Variants in PCDHA3 observed in about 807,000 individuals in gnomAD.
PCDHA3 encodes the protein protocadherin alpha 3, also known as protocadherin alpha-3.
Under a neutral mutation model 62.2 loss-of-function variants are expected in PCDHA3, and 41 were observed. The ratio of observed to expected loss-of-function variants is 0.66; its 90% CI spans 0.51 to 0.86. The LOEUF (loss-of-function observed/expected upper bound fraction) is 0.86. Ranked by LOEUF, PCDHA3 falls within the 40% of genes least tolerant of loss-of-function variation. The probability of loss-of-function intolerance (pLI) is 0.00; values close to 1 mark genes in which losing one functional copy is unlikely to be tolerated. For missense variants in PCDHA3, 1,304 were observed against 1,241.2 expected (o/e 1.05, Z -0.76); for synonymous variants, 640 against 555.4 (o/e 1.15, Z -2.14).
chr5:140,920,780 G>A lies in PCDHA3; in HGVS notation c.2395-58169G>A, dbSNP rs187594262. Among the ~76,000 whole-genome samples the A allele has an allele frequency of 7.9e-3, 1,202 of 151,454 alleles. 5 individuals carry two copies. Among genetic ancestry groups the A allele is most frequent in the African/African-American group, 0.019 (781 of 41,244 alleles). ...AATTGCTTACACCTGGGAGGTGGAG[G>A]TTGCAGGGAACCAAGATCACGCCAC... On this transcript the variant is annotated intron_variant, in intron 1 of 3. Transcript: ENST00000522353.
In PCDHA3 at chr5:140,832,659, T is replaced by A. The variant is rs1044025424; in HGVS notation, c.2394+29068T>A. On this transcript the variant is annotated intron_variant, in intron 1 of 3. Transcript: ENST00000522353. ...AGGAGGGTCTTTAAGAGTATCACAC[T>A]GTGCCTGCTGAGAATCATCGAATTA... 3.9e-5 allele frequency among the ~76,000 whole-genome samples: 6 copies of A among 152,316 alleles called. No homozygotes were observed. The South Asian group carries it at 1.0e-3, about 26-fold the overall frequency.
intron 1 of PCDHA3, chr5:140,875,959 G>A: frequency 1.2e-6 from 2 of 1,614,070 alleles, no homozygotes; most frequent in South Asian, 1.1e-5. Flanking sequence ...TGCGGATATC[G>A]GCGTAAACTC....
intron 1 of PCDHA3, among the ~76,000 whole-genome samples, chr5:140,936,457 TG>T (rs782214118): frequency 2.2e-4 from 34 of 152,232 alleles, no homozygotes; most frequent in Non-Finnish European, 4.6e-4. Flanking sequence ...ATCTGTTTAG[TG>T]GTTGCTGTAG....
intron 1 of PCDHA3, chr5:140,968,462 A>G: frequency 6.2e-7 from 1 of 1,614,104 alleles, no homozygotes; most frequent in African/African-American, 1.3e-5. Flanking sequence ...TGTGACTGCC[A>G]ACGTATATGT....
At chr5:140,836,957 G>T (rs193007351) in intron 1 of PCDHA3, 3 of 414,634 alleles carry the variant, frequency 7.2e-6, no homozygotes, top group African/African-American at 4.1e-5. Context: ...TATGGTTTAT[G>T]TTGGCTACTC....
Position 140,841,880 on chromosome 5 carries a change from G to A in PCDHA3, c.2394+38289G>A. 2.2e-5 allele frequency: 36 copies of A among 1,613,826 alleles called. 2 individuals are homozygous for A. Among genetic ancestry groups the A allele is most frequent in the Non-Finnish European group, 3.1e-5 (36 of 1,179,824 alleles). ...CATGCTAGATGTGAATTCAAAGAAC[G>A]ATGAGAATAAACTGGTTGAGCTCGT... On this transcript the variant is annotated intron_variant, in intron 1 of 3. Coordinates refer to ENST00000522353, the MANE Select transcript of PCDHA3 (RefSeq NM_018906.3).
At chr5:140,808,032 C>T (rs782714684) in intron 1 of PCDHA3, 15 of 1,613,706 alleles carry the variant, frequency 9.3e-6, no homozygotes, top group Non-Finnish European at 9.3e-6. Flanking sequence ...TATTCATTCT[C>T]AAATGATATT....
At chr5:140,824,614 T>TTTTTTTTTTG (rs1768229556) in intron 1 of PCDHA3, 1 of 124,554 alleles carries the variant, frequency 8.0e-6, no homozygotes, top group Admixed American at 7.7e-5. Context: ...ATTAAAGTTT[T>TTTTTTTTTTG]TTTTTTTTTT....
intron 3 of PCDHA3, among the ~76,000 whole-genome samples, chr5:141,005,737 G>GATGAGAA (rs1365089563): frequency 2.8e-5 from 4 of 143,576 alleles, no homozygotes; most frequent in Non-Finnish European, 6.0e-5. Context: ...AAAAAGAATG[G>GATGAGAA]ATGAGAAATC....
intron 1 of PCDHA3, among the ~76,000 whole-genome samples, chr5:140,922,430 A>C (rs574413053): frequency 6.6e-6 from 1 of 152,364 alleles, no homozygotes; most frequent in East Asian, 1.9e-4. Flanking sequence ...GGCTGAGGGC[A>C]GAACTCTCTC....
intron 1 of PCDHA3, chr5:140,875,357 C>G (rs1173514822): frequency 6.9e-7 from 1 of 1,446,594 alleles, no homozygotes; most frequent in Non-Finnish European, 9.1e-7. Flanking sequence ...GACTGTGATG[C>G]TGGAAAAAAT....
At chr5:140,861,758 T>C (rs1469300232) in intron 1 of PCDHA3, 1 of 93,472 alleles carries the variant, frequency 1.1e-5, no homozygotes, top group African/African-American at 4.7e-5. Context: ...TGATTATTTT[T>C]CCCTGGAAAT....
intron 1 of PCDHA3, chr5:140,871,242 G>A: frequency 1.2e-6 from 2 of 1,613,980 alleles, no homozygotes; most frequent in Non-Finnish European, 8.5e-7. Flanking sequence ...TGGTACTCAC[G>A]CTGCTGCTGT....
intron 1 of PCDHA3, chr5:140,841,865 G>C: frequency 1.2e-6 from 2 of 1,613,856 alleles, no homozygotes; most frequent in Non-Finnish European, 1.7e-6. Flanking sequence ...CATGCTAGAT[G>C]TGAATTCAAA....
intron 1 of PCDHA3, chr5:140,850,690 G>A: frequency 6.3e-7 from 1 of 1,598,402 alleles, no homozygotes; most frequent in Non-Finnish European, 8.6e-7. Context: ...GAGGGCGAGT[G>A]CGCGCCTGGC....
chr5:140,981,985 G>C (rs1554243637), intron 2 of PCDHA3, among the ~76,000 whole-genome samples: 1 of 152,162 alleles, frequency 6.6e-6, no homozygotes, highest in Non-Finnish European at 1.5e-5. Context: ...GAGTAAAATA[G>C]AAAATAAGGT....
intron 1 of PCDHA3, chr5:140,815,946 G>T (rs2126668212): frequency 6.6e-5 from 10 of 152,244 alleles, no homozygotes; most frequent in African/African-American, 2.2e-4. Flanking sequence ...GAAATCTACT[G>T]GTAGAGTTAG....
chr5:141,009,132 G>A (rs2098400947), intron 3 of PCDHA3, among the ~76,000 whole-genome samples: 1 of 152,204 alleles, frequency 6.6e-6, no homozygotes, highest in African/African-American at 2.4e-5. Flanking sequence ...GTATCCTGGT[G>A]AAAAAACCTG....
intron 1 of PCDHA3, among the ~76,000 whole-genome samples, chr5:140,965,199 T>C (rs1296377172): frequency 6.6e-6 from 1 of 152,234 alleles, no homozygotes. Context: ...AGGCAATAGA[T>C]TTCAAATTCC....
Sources: gnomAD v4.1 joint callset for allele counts (sites outside exome capture counted in the v4.1 genomes callset) on GRCh38, gnomAD v4.1.1 for gene constraint, MANE v1.5 for transcripts, NCBI Gene and HGNC (gene_info 2026-07-23, HGNC 2026-07-21) for gene names.